Variants in PARP8 observed in about 807,000 individuals in gnomAD.
PARP8 encodes protein mono-ADP-ribosyltransferase PARP8.
A neutral mutation model predicts 124.1 loss-of-function variants in PARP8; 51 were observed. That is an observed-to-expected ratio of 0.41 (90% CI 0.33 to 0.52). The LOEUF (loss-of-function observed/expected upper bound fraction) is 0.52. PARP8 is among the 20% of genes least tolerant of loss of function. The probability of loss-of-function intolerance (pLI) is 0.21; values close to 1 mark genes in which losing one functional copy is unlikely to be tolerated. For missense variants in PARP8, 860 were observed against 1,018.9 expected (o/e 0.84, Z 2.12); for synonymous variants, 391 against 361.5 (o/e 1.08, Z -0.93).
rs1746199789 is a variant in PARP8 at position 50,825,113 on chromosome 5, T to TTA, written c.1928+138_1928+139insTA. ...TATAGTTCTACAAGCTTATGAGACC[T>TTA]GGTGATTTTACAACCTTAGAGTCCT... is the stretch of plus-strand genomic sequence containing the variant. On this transcript the variant is annotated intron_variant, in intron 18 of 25. Transcript: ENST00000281631. The TTA allele has an allele frequency of 5.7e-6, 4 of 703,570 alleles. No homozygotes were observed. The African/African-American group carries it at 7.2e-5, about 13-fold the overall frequency. The allele number at this position is 703,570 out of a possible 1,614,324, so 43.6% of individuals were successfully genotyped here.
rs182258672 is a variant in PARP8 at position 50,844,453 on chromosome 5, A to G, written c.*2385A>G. On this transcript the variant is annotated 3_prime_UTR_variant, in exon 26 of 26. Coordinates refer to ENST00000281631, the MANE Select transcript of PARP8 (RefSeq NM_024615.4). ...TAATTTCAATTACTACCATTAACAT[A>G]TAAATGTGCTTCCAAAATCCAAGCA... The G allele has an allele frequency of 1.5e-3, 231 of 151,994 alleles. No homozygotes were observed. The highest frequency in any genetic ancestry group is 5.2e-3 in the African/African-American group (216 of 41,542). 9.4% of individuals were successfully genotyped at this position (151,994 alleles called of 1,614,324 possible). A position where few individuals can be genotyped will look rare whatever the true frequency, so the allele number is the denominator to read the frequency against.
intron 2 of PARP8, among the ~76,000 whole-genome samples, chr5:50,706,267 C>T (rs766342626): frequency 5.9e-5 from 9 of 151,612 alleles, no homozygotes; most frequent in South Asian, 2.1e-4. Flanking sequence ...ATTTCTGTGA[C>T]GTTTCATATG....
intron 10 of PARP8, among the ~76,000 whole-genome samples, chr5:50,789,557 A>T (rs567498845): frequency 3.3e-5 from 5 of 152,158 alleles, no homozygotes; most frequent in Admixed American, 6.6e-5. Flanking sequence ...TTGAACATAG[A>T]GTCTAGATGA....
chr5:50,831,733 C>T (rs1666317925), intron 22 of PARP8, among the ~76,000 whole-genome samples: 1 of 152,036 alleles, frequency 6.6e-6, no homozygotes, highest in African/African-American at 2.4e-5. Flanking sequence ...TCAATGGGTA[C>T]ATGGAAAGAA....
intron 2 of PARP8, among the ~76,000 whole-genome samples, chr5:50,698,836 A>G (rs16884480): frequency 0.043 from 6,576 of 152,294 alleles, 455 homozygotes; most frequent in African/African-American, 0.15. Context: ...TATGCCAGCC[A>G]AAATGATCTT....
At chr5:50,817,041 G>A in intron 15 of PARP8, among the ~76,000 whole-genome samples, 1 of 151,974 alleles carries the variant, frequency 6.6e-6, no homozygotes, top group East Asian at 1.9e-4. Context: ...TCTTCAAGTA[G>A]TATACTTAAA....
chr5:50,696,095 A>G (rs941569281), intron 2 of PARP8, among the ~76,000 whole-genome samples: 1 of 152,198 alleles, frequency 6.6e-6, no homozygotes, highest in African/African-American at 2.4e-5. Flanking sequence ...AGAAAAGAGA[A>G]ACAGTTACAT....
chr5:50,782,072 G>A (rs1740734647), intron 9 of PARP8, among the ~76,000 whole-genome samples: 1 of 152,198 alleles, frequency 6.6e-6, no homozygotes, highest in Admixed American at 6.5e-5. Flanking sequence ...AGCCCTGCCA[G>A]ACCAATCCGG....
intron 9 of PARP8, among the ~76,000 whole-genome samples, chr5:50,785,967 A>G (rs1328469092): frequency 6.6e-6 from 1 of 152,072 alleles, no homozygotes; most frequent in African/African-American, 2.4e-5. Context: ...CCATCCCAGC[A>G]ATTCAGTTCT....
intron 15 of PARP8, among the ~76,000 whole-genome samples, chr5:50,816,737 A>G (rs936935477): frequency 6.6e-6 from 1 of 152,204 alleles, no homozygotes; most frequent in Admixed American, 6.5e-5. Context: ...ACATTTGCAT[A>G]TTAACGGTTC....
rs985145225 is a variant in PARP8, at chr5:50,846,153, C to T, written c.*4085C>T. 2.0e-5 allele frequency: 3 copies of T among 151,590 alleles called. No homozygotes were observed. Among genetic ancestry groups the T allele is most frequent in the African/African-American group, 7.3e-5 (3 of 41,362 alleles). The allele number at this position is 151,590 out of a possible 1,614,324, so 9.4% of individuals were successfully genotyped here. ...CTAAAAATAATATCTTCGATCTGCC[C>T]AATATTTAATGTATCATTTGAGATT... On this transcript the variant is annotated 3_prime_UTR_variant, in exon 26 of 26. Transcript: ENST00000281631.
At chr5:50,758,934 AATGC>A (rs952911677) in intron 3 of PARP8, among the ~76,000 whole-genome samples, 4 of 152,364 alleles carry the variant, frequency 2.6e-5, no homozygotes, top group African/African-American at 9.6e-5. Context: ...CAACTTGTAT[AATGC>A]ATGTAGCTAA....
intron 7 of PARP8, among the ~76,000 whole-genome samples, chr5:50,776,865 AG>A (rs1324833345): frequency 6.6e-6 from 1 of 152,334 alleles, no homozygotes; most frequent in African/African-American, 2.4e-5. Flanking sequence ...ACTATATGCC[AG>A]ATACCATACT....
chr5:50,740,502 A>G (rs1757935381), intron 2 of PARP8, among the ~76,000 whole-genome samples: 1 of 152,152 alleles, frequency 6.6e-6, no homozygotes, highest in Admixed American at 6.5e-5. Context: ...TAGATAGGGA[A>G]GGTCTTGCGG....
chr5:50,754,152 C>CATACATAT (rs764110606), intron 3 of PARP8, among the ~76,000 whole-genome samples: 2 of 45,318 alleles, frequency 4.4e-5, no homozygotes, highest in African/African-American at 8.5e-5. Context: ...TATATATATA[C>CATACATAT]ACACACACAC....
chr5:50,756,435 A>C (rs187511089), intron 3 of PARP8, among the ~76,000 whole-genome samples: 182 of 152,164 alleles, frequency 1.2e-3, no homozygotes, highest in African/African-American at 4.3e-3. Context: ...TTTTTTTTAC[A>C]AATGTCAAAA....
rs150667336 is a variant in PARP8, at chr5:50,802,497, G to GT, written c.1575+5270dup. Among the ~76,000 whole-genome samples the GT allele has an allele frequency of 6.7e-3, 1,025 of 152,046 alleles. 7 individuals carry two copies. Among genetic ancestry groups the GT allele is most frequent in the Non-Finnish European group, 0.011 (772 of 67,970 alleles). On this transcript the variant is annotated intron_variant, in intron 14 of 25. Transcript: ENST00000281631. ...CTATGCCTGGCTAATCTTTAAAAAA[G>GT]TTTTTTGTAGAGATGGGGTTTCACT...
intron 14 of PARP8, among the ~76,000 whole-genome samples, chr5:50,797,956 G>A (rs1742743515): frequency 6.6e-6 from 1 of 152,006 alleles, no homozygotes; most frequent in Admixed American, 6.6e-5. Context: ...TCTGTTACCA[G>A]TCACTCCCAA....
chr5:50,767,869 T>G (rs997281410), intron 7 of PARP8, among the ~76,000 whole-genome samples: 2 of 152,210 alleles, frequency 1.3e-5, no homozygotes, highest in Admixed American at 1.3e-4. Flanking sequence ...TGGGAAGGTG[T>G]ATGTATCTTC....
Sources: gnomAD v4.1 joint callset for allele counts (sites outside exome capture counted in the v4.1 genomes callset) on GRCh38, gnomAD v4.1.1 for gene constraint, MANE v1.5 for transcripts, NCBI Gene and HGNC (gene_info 2026-07-23, HGNC 2026-07-21) for gene names.